The following ESR2 variants were observed in gnomAD, a reference collection of about 807,000 sequenced individuals.
The protein encoded by ESR2 is estrogen receptor 2.
In ESR2, 36 loss-of-function variants were observed where a neutral mutation model predicts 49.6. The ratio of observed to expected loss-of-function variants is 0.73; its 90% CI spans 0.56 to 0.96. ESR2 has a LOEUF of 0.96. ESR2 is among the 40% of genes least tolerant of loss of function. The pLI is 0.00. For missense variants in ESR2, 714 were observed against 693.0 expected, an observed-to-expected ratio of 1.03 and a Z score of -0.34; for synonymous variants, 320 against 266.1, an observed-to-expected ratio of 1.20 and a Z score of -1.97.
rs1414551434 is a variant in ESR2 at position 64,233,128 on chromosome 14, G to T, written c.*9C>A. 3.1e-6 allele frequency: 5 copies of T among 1,611,686 alleles called. No homozygotes were observed. The highest frequency in any genetic ancestry group is 4.2e-6 in the Non-Finnish European group (5 of 1,178,368). The stretch of plus-strand genomic sequence containing the variant: ...ACCTCTGTGGGCCAGTTCACCTCAG[G>T]GCCAGGCGTCACTGAGACTGTGGGT... On this transcript the variant is annotated 3_prime_UTR_variant, in exon 9 of 9. Transcript: ENST00000341099.
At chr14:64,317,082 T>A (rs1284507732) in intron 1 of ESR2, among the ~76,000 whole-genome samples, 1 of 152,056 alleles carries the variant, frequency 6.6e-6, no homozygotes, top group Non-Finnish European at 1.5e-5. Flanking sequence ...CTGACCAACA[T>A]GGTGAAACCC....
upstream of ESR2, chr14:64,298,447 C>T (rs1299038811): frequency 6.6e-6 from 1 of 152,164 alleles, no homozygotes; most frequent in East Asian, 1.9e-4. Flanking sequence ...TTATTTGTTG[C>T]ATAAATGGAG....
At chr14:64,312,495 A>T (rs1322262203) in intron 1 of ESR2, among the ~76,000 whole-genome samples, 2 of 152,160 alleles carry the variant, frequency 1.3e-5, no homozygotes, top group African/African-American at 4.8e-5. Flanking sequence ...AAGAAAGAGG[A>T]GAGAAAAGAA....
chr14:64,316,112 A>T (rs1330685315), intron 1 of ESR2, among the ~76,000 whole-genome samples: 1 of 151,600 alleles, frequency 6.6e-6, no homozygotes, highest in African/African-American at 2.4e-5. Flanking sequence ...TAGGCTCAAG[A>T]CATCTTCCCA....
chr14:64,302,434 G>A (rs538821910), intron 1 of ESR2, among the ~76,000 whole-genome samples: 3 of 151,888 alleles, frequency 2.0e-5, no homozygotes, highest in East Asian at 1.9e-4. Context: ...TGATCCACCC[G>A]CCTCGGCCTC....
intron 4 of ESR2, among the ~76,000 whole-genome samples, chr14:64,261,698 C>T (rs968560841): frequency 6.6e-6 from 1 of 152,170 alleles, no homozygotes; most frequent in Non-Finnish European, 1.5e-5. Flanking sequence ...GGATTACAGG[C>T]GTGAGCCACT....
At position 64,279,980 on chromosome 14, in the gene ESR2, C is replaced by T. The variant is rs756938044; in HGVS notation, c.535+1G>A. ...AGAAGCAGTTAACAATTCTCTTGTA[C>T]CTTGAATGCTTCTTTTAAAAAAGGC... On this transcript the variant is annotated splice_donor_variant, in intron 3 of 8. Coordinates refer to ENST00000341099, the MANE Select transcript of ESR2 (RefSeq NM_001437.3). LOFTEE classifies it high-confidence loss of function. The T allele has an allele frequency of 1.7e-5, 27 of 1,612,232 alleles. No homozygotes were observed. Among genetic ancestry groups the T allele is most frequent in the Non-Finnish European group, 2.0e-5 (24 of 1,178,506 alleles).
At chr14:64,333,802 C>G (rs1378930087) in intron 1 of ESR2, among the ~76,000 whole-genome samples, 7 of 152,092 alleles carry the variant, frequency 4.6e-5, no homozygotes, top group Non-Finnish European at 1.0e-4. Context: ...AGCTACAATT[C>G]AAGATGAGAT....
At chr14:64,258,995 A>G (rs904421835) in intron 5 of ESR2, among the ~76,000 whole-genome samples, 1 of 152,236 alleles carries the variant, frequency 6.6e-6, no homozygotes, top group African/African-American at 2.4e-5. Flanking sequence ...ATGCAGTTTA[A>G]GAGTTCAGAT....
rs1193703932 is a variant in ESR2, at chr14:64,332,799, C to CA, written c.-91+5098dup. On this transcript the variant is annotated intron_variant, in intron 1 of 8. Coordinates refer to the ESR2 transcript ENST00000358599. The stretch of plus-strand genomic sequence containing the variant: ...TGGGGGACAGAGTGAGACTCCATCT[C>CA]AAAAAAAAAAAAAAGGGTACCGTAT... 6.7e-3 allele frequency among the ~76,000 whole-genome samples: 621 copies of CA among 92,440 alleles called. 7 individuals are homozygous for CA. Among genetic ancestry groups the CA allele is most frequent in the East Asian group, 0.044 (136 of 3,058 alleles). 60.6% of individuals were successfully genotyped at this position (92,440 alleles called of 152,430 possible).
intron 7 of ESR2, among the ~76,000 whole-genome samples, chr14:64,241,047 G>A (rs555328799): frequency 6.6e-6 from 1 of 151,224 alleles, no homozygotes; most frequent in African/African-American, 2.4e-5. Flanking sequence ...TGGGGAGGCT[G>A]AGGCAGGAGA....
At chr14:64,246,339 G>A (rs1241944127) in intron 7 of ESR2, among the ~76,000 whole-genome samples, 3 of 152,092 alleles carry the variant, frequency 2.0e-5, no homozygotes, top group Non-Finnish European at 4.4e-5. Context: ...AGATGTGATG[G>A]TTATATAAGG....
chr14:64,228,013 TTG>T, downstream of ESR2: 1 of 1,518,936 alleles, frequency 6.6e-7, no homozygotes, highest in Non-Finnish European at 8.8e-7. Flanking sequence ...ACCAGGACTT[TTG>T]TGAGCTGCAT....
intron 8 of ESR2, chr14:64,234,029 G>C (rs2098729926): frequency 6.6e-6 from 1 of 152,072 alleles, no homozygotes; most frequent in African/African-American, 2.4e-5. Context: ...GTACATAAAG[G>C]GCAACTCAAA....
intron 1 of ESR2, chr14:64,337,363 T>C (rs2077544208): frequency 6.6e-6 from 1 of 152,248 alleles, no homozygotes; most frequent in Admixed American, 6.5e-5. Context: ...ATCTACTTGG[T>C]ATTACAAGAC....
intron 7 of ESR2, among the ~76,000 whole-genome samples, chr14:64,244,013 C>A (rs191084133): frequency 1.3e-5 from 2 of 152,266 alleles, no homozygotes; most frequent in African/African-American, 4.8e-5. Context: ...TAGGTGTCAA[C>A]TTGACTGGAT....
chr14:64,227,662 T>C (rs2098722779), downstream of ESR2: 1 of 1,613,326 alleles, frequency 6.2e-7, no homozygotes, highest in Non-Finnish European at 8.5e-7. Flanking sequence ...AAAGGAAGTG[T>C]GGTCTGCATT....
intron 1 of ESR2, among the ~76,000 whole-genome samples, chr14:64,319,294 C>T (rs2077297290): frequency 6.6e-6 from 1 of 151,862 alleles, no homozygotes; most frequent in African/African-American, 2.4e-5. Context: ...CATCACAGAC[C>T]TAAATGTAAA....
intron 7 of ESR2, among the ~76,000 whole-genome samples, chr14:64,248,821 T>C (rs2075924602): frequency 6.6e-6 from 1 of 152,068 alleles, no homozygotes; most frequent in Non-Finnish European, 1.5e-5. Context: ...CCGGCTTCAG[T>C]CTCTGCCCTT....
Sources: gnomAD v4.1 joint callset for allele counts (sites outside exome capture counted in the v4.1 genomes callset) on GRCh38, gnomAD v4.1.1 for gene constraint, MANE v1.5 for transcripts, NCBI Gene and HGNC (gene_info 2026-07-23, HGNC 2026-07-21) for gene names.